Variants in ENPP3 observed in about 807,000 individuals in gnomAD.
ENPP3 encodes the protein ectonucleotide pyrophosphatase/phosphodiesterase family member 3.
A neutral mutation model predicts 117.8 loss-of-function variants in ENPP3; 104 were observed. The observed-to-expected ratio is 0.88, with a 90% CI of 0.75 to 1.04. The LOEUF is 1.04. Ranked by LOEUF, ENPP3 falls within the 50% of genes least tolerant of loss-of-function variation. The pLI, the probability that ENPP3 is intolerant of heterozygous loss-of-function variation, is 0.00. For synonymous variants in ENPP3, 380 were observed against 349.9 expected (o/e 1.09, Z -0.96); for missense variants, 1,026 against 1,051.9 (o/e 0.98, Z 0.34).
intron 1 of ENPP3, among the ~76,000 whole-genome samples, chr6:131,638,729 G>A (rs551222709): frequency 1.3e-5 from 2 of 151,816 alleles, no homozygotes; most frequent in Non-Finnish European, 2.9e-5. Flanking sequence ...CTGGCCTCTA[G>A]TGTTTTCCTC....
intron 20 of ENPP3, among the ~76,000 whole-genome samples, chr6:131,730,444 G>A (rs556794604): frequency 9.9e-5 from 15 of 152,156 alleles, no homozygotes; most frequent in East Asian, 5.8e-4. Context: ...AAACGTCTTC[G>A]TATTTCTTGG....
At chr6:131,738,001 A>G (rs556216832) in intron 22 of ENPP3, 30 bp from the exon 23 acceptor site, 2 of 1,515,934 alleles carry the variant, frequency 1.3e-6, no homozygotes, top group Admixed American at 4.0e-5. Context: ...TGAAGTGGAC[A>G]TTTTAAACAC....
At chr6:131,743,427 T>C (rs1215048914) in intron 24 of ENPP3, among the ~76,000 whole-genome samples, 2 of 152,120 alleles carry the variant, frequency 1.3e-5, no homozygotes, top group African/African-American at 4.8e-5. Context: ...CCTCCTTTTA[T>C]GAAGTTTGTA....
chr6:131,648,560 C>T (rs1399690693), intron 2 of ENPP3, among the ~76,000 whole-genome samples: 1 of 151,936 alleles, frequency 6.6e-6, no homozygotes, highest in African/African-American at 2.4e-5. Flanking sequence ...ATCTGCAATT[C>T]CCAGCACAGT....
chr6:131,639,493 T>C (rs559146278), intron 1 of ENPP3, among the ~76,000 whole-genome samples: 3 of 152,180 alleles, frequency 2.0e-5, no homozygotes, highest in South Asian at 4.1e-4. Flanking sequence ...ACAGCAAAAT[T>C]TGTGCATCAT....
chr6:131,710,105 C>A (rs1436321679), intron 15 of ENPP3: 1 of 1,613,926 alleles, frequency 6.2e-7, no homozygotes, highest in East Asian at 2.2e-5. Context: ...TCTAAGTTAG[C>A]ACCATTTTCC....
intron 2 of ENPP3, among the ~76,000 whole-genome samples, chr6:131,648,241 T>C (rs1451553496): frequency 6.6e-6 from 1 of 151,658 alleles, no homozygotes; most frequent in African/African-American, 2.4e-5. Flanking sequence ...TCTAATGCTC[T>C]GAGAATTATC....
rs1396232411 is a variant in ENPP3, at chr6:131,746,807, T to G, written c.2479T>G (p.Trp827Gly). Residue 827 changes from tryptophan to glycine, a missense_variant, in exon 25 of 25, where the codon TGG becomes GGG. Transcript: ENST00000357639. ...TCAGGAAGGTAAACCAGAAGCTCTT[T>G]GGGTTGAAGAAAGATTTACAGCTCA... ...SCPEGKPEAL[W>G]VEERFTAHIA... is the part of the protein sequence containing the mutation. The G allele has an allele frequency of 1.2e-6, 2 of 1,608,224 alleles. No individual in the cohort carries two copies. Among genetic ancestry groups the G allele is most frequent in the Admixed American group, 3.4e-5 (2 of 58,542 alleles).
intron 12 of ENPP3, 97 bp downstream of exon 12, chr6:131,683,259 T>C: frequency 1.4e-6 from 1 of 694,566 alleles, no homozygotes; most frequent in South Asian, 1.8e-5. Flanking sequence ...AATCTCTACT[T>C]CCAGACCTAA....
intron 11 of ENPP3, among the ~76,000 whole-genome samples, chr6:131,679,009 C>T (rs1276871137): frequency 4.6e-5 from 4 of 86,176 alleles, no homozygotes; most frequent in South Asian, 4.3e-4. Context: ...TTGCTTCCTT[C>T]CTTCCTTCCT....
intron 14 of ENPP3, among the ~76,000 whole-genome samples, chr6:131,686,950 T>C (rs1779166418): frequency 6.6e-6 from 1 of 152,238 alleles, no homozygotes; most frequent in African/African-American, 2.4e-5. Flanking sequence ...GTCTTTGCTA[T>C]TGTGAATAAT....
intron 11 of ENPP3, among the ~76,000 whole-genome samples, chr6:131,678,676 A>T (rs971580150): frequency 2.0e-5 from 3 of 152,246 alleles, no homozygotes; most frequent in African/African-American, 7.2e-5. Context: ...CTCTGGCAGC[A>T]TGCCTTTGCA....
intron 10 of ENPP3, 136 bp from the exon 11 acceptor site, chr6:131,677,732 G>C (rs1778901489): frequency 1.7e-6 from 1 of 593,388 alleles, no homozygotes; most frequent in South Asian, 2.2e-5. Flanking sequence ...GAACTACTGG[G>C]TCTGAACAAG....
At chr6:131,729,208 T>C (rs1250617318) in intron 20 of ENPP3, among the ~76,000 whole-genome samples, 1 of 152,240 alleles carries the variant, frequency 6.6e-6, no homozygotes, top group Non-Finnish European at 1.5e-5. Context: ...CATTATTGTG[T>C]GTTGCAAACA....
At chr6:131,743,675 A>T (rs933632421) in intron 24 of ENPP3, among the ~76,000 whole-genome samples, 3 of 151,974 alleles carry the variant, frequency 2.0e-5, no homozygotes, top group Admixed American at 6.6e-5. Context: ...AAATACAAAA[A>T]TTAGCCAGGT....
intron 14 of ENPP3, among the ~76,000 whole-genome samples, chr6:131,687,487 T>G (rs3850247): frequency 0.075 from 11,437 of 152,108 alleles, 842 homozygotes; most frequent in East Asian, 0.33. Context: ...CAAAAGCAAT[T>G]ACAACAAAAC....
intron 14 of ENPP3, among the ~76,000 whole-genome samples, chr6:131,688,391 A>G (rs1779202805): frequency 6.6e-6 from 1 of 152,246 alleles, no homozygotes; most frequent in Non-Finnish European, 1.5e-5. Flanking sequence ...ATTTTAAAGC[A>G]AAAGCTAGAA....
rs754411288 is a variant in ENPP3, at chr6:131,726,172, T to C, written c.1925T>C (p.Met642Thr). Residue 642 changes from methionine (M) to threonine (T), a missense_variant, in exon 20 of 25, where the codon ATG (methionine) becomes ACG (threonine). Transcript: ENST00000357639. ...SGFGKAMRMP[M>T]WSSYTVPQLG... ...TTTGGAAAAGCTATGAGGATGCCCA[T>C]GTGGAGTTCATACACAGTCCCCCAG... The C allele has an allele frequency of 7.4e-6, 12 of 1,613,952 alleles. No homozygotes were observed. The highest frequency in any genetic ancestry group is 1.1e-5 in the South Asian group (1 of 91,078).
rs1385141875 is a variant in ENPP3, at chr6:131,637,445, TATAAA to T, written c.65_69del (p.Lys22SerfsTer37). 6.3e-7 allele frequency: 1 copy of T among 1,579,880 alleles called. No individual in the cohort carries two copies. The highest frequency in any genetic ancestry group is 1.8e-5 in the Admixed American group (1 of 56,692). Reference sequence around the variant, plus strand: ...TGTTAAGAAGAACACTCTTAAGAAATATAAAATAGCTTGCATTGTAAGTACAATTC... The same window carrying T: ...TGTTAAGAAGAACACTCTTAAGAAATATAGCTTGCATTGTAAGTACAATTC... On this transcript the variant is annotated frameshift_variant, in exon 1 of 25. Coordinates refer to ENST00000357639, the MANE Select transcript of ENPP3 (RefSeq NM_005021.5). LOFTEE classifies it high-confidence loss of function.
Sources: gnomAD v4.1 joint callset for allele counts (sites outside exome capture counted in the v4.1 genomes callset) on GRCh38, gnomAD v4.1.1 for gene constraint, MANE v1.5 for transcripts, NCBI Gene and HGNC (gene_info 2026-07-23, HGNC 2026-07-21) for gene names.